DEPTOR: variants seen among roughly 807,000 people sequenced by gnomAD.
DEPTOR encodes DEP domain-containing mTOR-interacting protein.
A neutral mutation model predicts 41.6 loss-of-function variants in DEPTOR; 41 were observed. The ratio of observed to expected loss-of-function variants is 0.98; its 90% CI spans 0.77 to 1.28. The LOEUF is 1.28. Among genes scored for constraint, DEPTOR ranks in the 50% most tolerant of loss-of-function variants. The pLI is 0.00. For missense variants in DEPTOR, 514 were observed against 527.9 expected, an observed-to-expected ratio of 0.97 and a Z score of 0.26; for synonymous variants, 195 against 192.3, an observed-to-expected ratio of 1.01 and a Z score of -0.12.
chr8:119,993,645 G>A (rs1304946195), intron 4 of DEPTOR, among the ~76,000 whole-genome samples: 2 of 152,076 alleles, frequency 1.3e-5, no homozygotes, highest in African/African-American at 4.8e-5. Context: ...ACTATAATAC[G>A]AAGGTCCTGT....
rs369678043 is a variant in DEPTOR at position 119,929,773 on chromosome 8, AT to A, written c.302-34del. 176 of 1,563,166 alleles carry A rather than the reference AT, an allele frequency of 1.1e-4. No homozygotes were observed. In the African/African-American group the frequency reaches 2.1e-3, roughly 19 times the overall value. Reference sequence around the variant, plus strand: ...TCGCTTGAGTAATTAAATAAGAGCGATTTTTTTTCTCATTTGCTTCTCTGTG... The same window carrying A: ...TCGCTTGAGTAATTAAATAAGAGCGATTTTTTTCTCATTTGCTTCTCTGTG... On this transcript the variant is annotated intron_variant, in intron 2 of 8. Coordinates refer to ENST00000286234, the MANE Select transcript of DEPTOR (RefSeq NM_022783.4).
chr8:119,927,696 C>T (rs976940911), intron 1 of DEPTOR, among the ~76,000 whole-genome samples: 1 of 151,624 alleles, frequency 6.6e-6, no homozygotes, highest in African/African-American at 2.4e-5. Flanking sequence ...GCAACCTCCA[C>T]CTCCCAGGTT....
chr8:120,017,545 T>C (rs1812632565), intron 8 of DEPTOR, among the ~76,000 whole-genome samples: 1 of 152,194 alleles, frequency 6.6e-6, no homozygotes, highest in African/African-American at 2.4e-5. Context: ...TTCACCTGGG[T>C]TGTTTTGGAG....
At chr8:119,942,559 T>C (rs887273740) in intron 3 of DEPTOR, among the ~76,000 whole-genome samples, 3 of 152,184 alleles carry the variant, frequency 2.0e-5, no homozygotes, top group Admixed American at 6.6e-5. Context: ...ACTGGACTCA[T>C]TGATGGTGGA....
chr8:120,009,630 A>AC (rs1554585188), intron 8 of DEPTOR, among the ~76,000 whole-genome samples: 45 of 150,376 alleles, frequency 3.0e-4, no homozygotes, highest in African/African-American at 9.1e-4. Context: ...AAACAAAACA[A>AC]AACAACAACA....
At chr8:119,881,713 G>GA (rs1348202042) in intron 1 of DEPTOR, among the ~76,000 whole-genome samples, 1 of 152,022 alleles carries the variant, frequency 6.6e-6, no homozygotes, top group East Asian at 1.9e-4. Flanking sequence ...GTGTCCCTTA[G>GA]AAGCTAGGAT....
At chr8:119,914,596 C>A (rs1483779510) in intron 1 of DEPTOR, among the ~76,000 whole-genome samples, 1 of 151,652 alleles carries the variant, frequency 6.6e-6, no homozygotes, top group Non-Finnish European at 1.5e-5. Context: ...CTTGCCACCA[C>A]GCCAGGCTAA....
intron 8 of DEPTOR, among the ~76,000 whole-genome samples, chr8:120,013,842 T>G (rs1367876040): frequency 1.2e-4 from 2 of 16,932 alleles, no homozygotes. Context: ...TATGACTACT[T>G]TTTTTTTTTT....
At chr8:119,918,280 C>T (rs1202206794) in intron 1 of DEPTOR, among the ~76,000 whole-genome samples, 2 of 152,118 alleles carry the variant, frequency 1.3e-5, no homozygotes, top group African/African-American at 4.8e-5. Context: ...TGTGTTTATC[C>T]TCTCAATCCA....
At chr8:120,000,092 G>C (rs898936975) in intron 4 of DEPTOR, among the ~76,000 whole-genome samples, 1 of 151,926 alleles carries the variant, frequency 6.6e-6, no homozygotes, top group South Asian at 2.1e-4. Context: ...CTGGGTGAAG[G>C]GTACCCAGGA....
At chr8:120,005,814 C>T (rs888992910) in intron 6 of DEPTOR, among the ~76,000 whole-genome samples, 21 of 152,112 alleles carry the variant, frequency 1.4e-4, no homozygotes, top group Non-Finnish European at 2.9e-4. Context: ...TGCTGTCTGC[C>T]ATCTTGGTGG....
chr8:119,980,160 CAA>C (rs548586298), intron 4 of DEPTOR, among the ~76,000 whole-genome samples: 13 of 115,490 alleles, frequency 1.1e-4, no homozygotes, highest in African/African-American at 1.3e-4. Context: ...GTAGAAATAG[CAA>C]AAAAAAAAAA....
intron 8 of DEPTOR, among the ~76,000 whole-genome samples, chr8:120,029,860 G>A (rs1017165229): frequency 2.0e-5 from 3 of 152,170 alleles, no homozygotes; most frequent in Non-Finnish European, 2.9e-5. Flanking sequence ...CTCTTGGGAT[G>A]GAGAGAGTGC....
rs143283352 is a variant in DEPTOR, at chr8:120,049,631, G to A, written c.1157G>A (p.Arg386Gln). Residue 386 changes from arginine (R) to glutamine (Q), a missense_variant, in exon 9 of 9, where the codon CGG becomes CAG. Transcript: ENST00000286234. ...CTCAATGTCCTGCATGTAGACTACC[G>A]GACCGTGAGCAATCTGATTCTGACG... ...NGLNVLHVDY[R>Q]TVSNLILTGP... 1.1e-5 allele frequency: 18 copies of A among 1,613,798 alleles called. No homozygotes were observed. The highest frequency in any genetic ancestry group is 2.2e-5 in the East Asian group (1 of 44,892).
intron 8 of DEPTOR, among the ~76,000 whole-genome samples, chr8:120,046,632 T>C (rs1049716674): frequency 2.0e-5 from 3 of 152,178 alleles, no homozygotes; most frequent in Non-Finnish European, 2.9e-5. Flanking sequence ...TAGATATATA[T>C]ATTTTGTAGA....
At chr8:119,904,001 A>C (rs1486807426) in intron 1 of DEPTOR, among the ~76,000 whole-genome samples, 1 of 152,026 alleles carries the variant, frequency 6.6e-6, no homozygotes, top group Non-Finnish European at 1.5e-5. Flanking sequence ...CTATTCTGAC[A>C]TCTTGAGCCT....
Position 119,873,924 on chromosome 8 carries a change from G to C in DEPTOR, c.78G>C (p.Glu26Asp). ...TSGSGGAQQR[E>D]LERMAEVLVT... is the part of the protein sequence containing the mutation. ...GGAGTGGCGGGGCGCAGCAAAGGGA[G>C]CTGGAGCGCATGGCTGAGGTCTTGG... Residue 26 changes from glutamate to aspartate, a missense_variant, in exon 1 of 9, where the codon GAG becomes GAC. Glu to Asp is a conservative substitution (Grantham distance 45). Coordinates refer to ENST00000286234, the MANE Select transcript of DEPTOR (RefSeq NM_022783.4). The C allele has an allele frequency of 6.2e-7, 1 of 1,613,822 alleles. No individual in the cohort carries two copies. Among genetic ancestry groups the C allele is most frequent in the Non-Finnish European group, 8.5e-7 (1 of 1,179,888 alleles).
intron 8 of DEPTOR, among the ~76,000 whole-genome samples, chr8:120,032,131 T>C (rs1812900023): frequency 6.6e-6 from 1 of 152,130 alleles, no homozygotes; most frequent in South Asian, 2.1e-4. Flanking sequence ...CTAATATTTA[T>C]TCCATATTCC....
At chr8:119,893,972 TAG>T (rs1359113409) in intron 1 of DEPTOR, among the ~76,000 whole-genome samples, 2 of 152,318 alleles carry the variant, frequency 1.3e-5, no homozygotes, top group East Asian at 3.9e-4. Flanking sequence ...ATCACTATGG[TAG>T]TCATACTAAC....
Sources: allele counts gnomAD v4.1 joint callset (sites outside exome capture counted in the v4.1 genomes callset), GRCh38; gene constraint gnomAD v4.1.1; transcripts MANE v1.5; gene names NCBI Gene and HGNC (gene_info 2026-07-23, HGNC 2026-07-21).